The following PRKAA2 variants were observed in gnomAD, a reference collection of about 807,000 sequenced individuals.
PRKAA2 encodes 5'-AMP-activated protein kinase catalytic subunit alpha-2.
Under a neutral mutation model 56.3 loss-of-function variants are expected in PRKAA2, and 40 were observed. The observed-to-expected ratio is 0.71, with a 90% CI of 0.55 to 0.92. PRKAA2 has a LOEUF of 0.92. Ranked by LOEUF, PRKAA2 falls within the 40% of genes least tolerant of loss-of-function variation. PRKAA2 has a pLI of 0.00. For missense variants in PRKAA2, 542 were observed against 686.9 expected (o/e 0.79, Z 2.36); for synonymous variants, 214 against 234.2 (o/e 0.91, Z 0.79).
At position 56,705,198 on chromosome 1, in the gene PRKAA2, C is replaced by T. The variant is rs536431901; in HGVS notation, c.1293+723C>T. On this transcript the variant is annotated intron_variant, in intron 7 of 8. Transcript: ENST00000371244. ...ATGCATTTGACGTGTTCAAATAAAT[C>T]AGTCATTTTCATTTTATTATTTGTA... 3.9e-5 allele frequency among the ~76,000 whole-genome samples: 6 copies of T among 152,126 alleles called. No individual in the cohort carries two copies. The South Asian group carries it at 1.0e-3, about 26-fold the overall frequency.
chr1:56,677,906 C>A (rs1302261917), intron 2 of PRKAA2, among the ~76,000 whole-genome samples: 1 of 152,122 alleles, frequency 6.6e-6, no homozygotes, highest in Non-Finnish European at 1.5e-5. Flanking sequence ...ATCAGCCTGC[C>A]GCAGCCTCCC....
At chr1:56,649,316 T>C (rs769164273) in intron 1 of PRKAA2, among the ~76,000 whole-genome samples, 1 of 152,226 alleles carries the variant, frequency 6.6e-6, no homozygotes, top group African/African-American at 2.4e-5. Flanking sequence ...TGCAGGTGCA[T>C]TTTTAATTGT....
At chr1:56,670,273 T>C (rs1166886752) in intron 1 of PRKAA2, among the ~76,000 whole-genome samples, 1 of 152,220 alleles carries the variant, frequency 6.6e-6, no homozygotes, top group East Asian at 1.9e-4. Flanking sequence ...ATATCCAAAA[T>C]AAGAATGGCT....
chr1:56,684,106 A>G (rs1644174655), intron 2 of PRKAA2, among the ~76,000 whole-genome samples: 1 of 152,176 alleles, frequency 6.6e-6, no homozygotes, highest in African/African-American at 2.4e-5. Context: ...AGCATTTGCT[A>G]ACAGATAAAA....
chr1:56,675,169 G>T (rs1442140989), intron 2 of PRKAA2, among the ~76,000 whole-genome samples: 2 of 151,088 alleles, frequency 1.3e-5, no homozygotes, highest in East Asian at 3.9e-4. Flanking sequence ...TATTCATTGT[G>T]CAATAATGTG....
intron 1 of PRKAA2, among the ~76,000 whole-genome samples, chr1:56,669,964 G>A (rs1023246028): frequency 6.6e-6 from 1 of 152,108 alleles, no homozygotes; most frequent in African/African-American, 2.4e-5. Context: ...AATATAAAAG[G>A]CATAGTTCGG....
At chr1:56,666,175 A>AT (rs1038451109) in intron 1 of PRKAA2, among the ~76,000 whole-genome samples, 6 of 152,014 alleles carry the variant, frequency 3.9e-5, no homozygotes, top group South Asian at 2.1e-4. Context: ...TTAGTCATGC[A>AT]TTTTTTTTCC....
chr1:56,674,305 G>A (rs1472010762), intron 1 of PRKAA2, 76 bp from the exon 2 acceptor site: 8 of 1,315,776 alleles, frequency 6.1e-6, no homozygotes, highest in Non-Finnish European at 7.2e-6. Flanking sequence ...GAAGTTTAGG[G>A]CACAATGGAA....
chr1:56,656,086 T>C (rs536810810), intron 1 of PRKAA2, among the ~76,000 whole-genome samples: 2 of 152,304 alleles, frequency 1.3e-5, no homozygotes, highest in East Asian at 3.9e-4. Flanking sequence ...AAGGAAATTC[T>C]AGGACTGAAA....
intron 2 of PRKAA2, among the ~76,000 whole-genome samples, chr1:56,680,798 G>A (rs1414163824): frequency 2.6e-5 from 4 of 152,160 alleles, no homozygotes; most frequent in African/African-American, 9.7e-5. Flanking sequence ...TTGCTATTGT[G>A]AATAGTGCCA....
chr1:56,655,281 T>TATATATATATATA lies in PRKAA2; in HGVS notation c.94+9800_94+9801insATATATATATATA, dbSNP rs1553146924. ...GTATTTATATATCTATATATATATATTTTTTTTTTTTTTTTGTAGAGACAG... is the reference window on the plus strand; with the variant it reads ...GTATTTATATATCTATATATATATATATATATATATATATTTTTTTTTTTTTTTGTAGAGACAG... On this transcript the variant is annotated intron_variant, in intron 1 of 8. Transcript: ENST00000371244. Among the ~76,000 whole-genome samples the TATATATATATATA allele has an allele frequency of 8.7e-4, 67 of 77,070 alleles. 1 individual carries two copies. The highest frequency in any genetic ancestry group is 1.2e-3 in the South Asian group (2 of 1,714). The allele number at this position is 77,070 out of a possible 152,430, so 50.6% of individuals were successfully genotyped here. A position where few individuals can be genotyped will look rare whatever the true frequency, so the allele number is the denominator to read the frequency against.
Position 56,674,474 on chromosome 1 carries a change from G to A in PRKAA2, c.188G>A (p.Arg63Gln), listed in dbSNP as rs1480644501. Residue 63 changes from arginine to glutamine, a missense_variant, in exon 2 of 9, where the codon CGA (arginine) becomes CAA (glutamine). Arg to Gln is a conservative substitution (Grantham distance 43). Transcript: ENST00000371244. Reference sequence around the variant, plus strand: ...TTAGATGTTGTTGGAAAAATAAAACGAGAAATTCAAAATCTAAAACTCTTT... The same window carrying A: ...TTAGATGTTGTTGGAAAAATAAAACAAGAAATTCAAAATCTAAAACTCTTT... Reference protein sequence around the residue: ...RSLDVVGKIKREIQNLKLFRH... With the variant: ...RSLDVVGKIKQEIQNLKLFRH... 1.9e-6 allele frequency: 3 copies of A among 1,569,418 alleles called. No homozygotes were observed. The highest frequency in any genetic ancestry group is 2.7e-5 in the African/African-American group (2 of 72,902).
chr1:56,684,985 G>A lies in PRKAA2; in HGVS notation c.237-6409G>A, dbSNP rs143827335. 2.8e-3 allele frequency among the ~76,000 whole-genome samples: 429 copies of A among 152,282 alleles called. 3 individuals carry two copies. Among genetic ancestry groups the A allele is most frequent in the African/African-American group, 5.5e-3 (230 of 41,576 alleles). On this transcript the variant is annotated intron_variant, in intron 2 of 8. Coordinates refer to ENST00000371244, the MANE Select transcript of PRKAA2 (RefSeq NM_006252.4). ...CTAATTATAGAAGCCAAGTCCCTTCGTAGGTGTGGGAGATAATCCAGTGCA... is the reference window on the plus strand; with the variant it reads ...CTAATTATAGAAGCCAAGTCCCTTCATAGGTGTGGGAGATAATCCAGTGCA...
chr1:56,706,309 G>A (rs1644331699), intron 8 of PRKAA2, 91 bp downstream of exon 8: 3 of 1,472,726 alleles, frequency 2.0e-6, no homozygotes, highest in Non-Finnish European at 2.8e-6. Context: ...CATCCGGTGG[G>A]TAGGTCCTGC....
intron 1 of PRKAA2, among the ~76,000 whole-genome samples, chr1:56,663,029 C>T (rs1023389131): frequency 6.6e-6 from 1 of 152,034 alleles, no homozygotes; most frequent in East Asian, 1.9e-4. Flanking sequence ...AAACAAAATG[C>T]CTGAAGATCC....
intron 1 of PRKAA2, among the ~76,000 whole-genome samples, chr1:56,652,707 A>C (rs534840439): frequency 6.6e-6 from 1 of 152,338 alleles, no homozygotes; most frequent in East Asian, 1.9e-4. Flanking sequence ...TGAGGTATAT[A>C]AAATGGCTTT....
rs748036029 is a variant in PRKAA2, at chr1:56,711,465, C to T, written c.*3752C>T. 4 of 152,050 alleles carry T rather than the reference C, an allele frequency of 2.6e-5. No homozygotes were observed. Among genetic ancestry groups the T allele is most frequent in the Non-Finnish European group, 2.9e-5 (2 of 67,982 alleles). 9.4% of individuals were successfully genotyped at this position (152,050 alleles called of 1,614,324 possible). A position where few individuals can be genotyped will look rare whatever the true frequency, so the allele number is the denominator to read the frequency against. On this transcript the variant is annotated 3_prime_UTR_variant, in exon 9 of 9. Coordinates refer to ENST00000371244, the MANE Select transcript of PRKAA2 (RefSeq NM_006252.4). ...CACAGACACCACTTTGTCTATTCAC[C>T]GGGTACTAATTTACATCCTATTAAT...
intron 1 of PRKAA2, among the ~76,000 whole-genome samples, chr1:56,659,875 T>C (rs765571003): frequency 6.6e-5 from 10 of 152,126 alleles, no homozygotes; most frequent in Non-Finnish European, 1.2e-4. Context: ...CCTACTGCAC[T>C]CCAGCTTGTG....
At chr1:56,650,353 T>C (rs552386071) in intron 1 of PRKAA2, among the ~76,000 whole-genome samples, 1 of 152,352 alleles carries the variant, frequency 6.6e-6, no homozygotes, top group Admixed American at 6.5e-5. Flanking sequence ...TTATATGGGC[T>C]GACAGAGTTT....
Sources: gnomAD v4.1 joint callset for allele counts (sites outside exome capture counted in the v4.1 genomes callset) on GRCh38, gnomAD v4.1.1 for gene constraint, MANE v1.5 for transcripts, NCBI Gene and HGNC (gene_info 2026-07-23, HGNC 2026-07-21) for gene names.